ANKRD1: variants seen among roughly 807,000 people sequenced by gnomAD.
The protein encoded by ANKRD1 is ankyrin repeat domain-containing protein 1.
In ANKRD1, 32 loss-of-function variants were observed where a neutral mutation model predicts 40.1. The ratio of observed to expected loss-of-function variants is 0.80; its 90% CI spans 0.60 to 1.07. The LOEUF (loss-of-function observed/expected upper bound fraction) is 1.07, where lower values mean the gene tolerates loss of function less well. ANKRD1 is among the 50% of genes least tolerant of loss of function. The pLI is 0.00. For synonymous variants in ANKRD1, 149 were observed against 141.2 expected (o/e 1.06, Z -0.39); for missense variants, 359 against 386.0 (o/e 0.93, Z 0.59).
At chr10:90,915,713 C>T in intron 7 of ANKRD1, 69 bp downstream of exon 7, 1 of 1,610,878 alleles carries the variant, frequency 6.2e-7, no homozygotes, top group Non-Finnish European at 8.5e-7. Flanking sequence ...GGCACCCAGG[C>T]TTGGGGGAGT....
chr10:90,912,794 A>G lies in ANKRD1; in HGVS notation c.*72T>C. 7.5e-7 allele frequency: 1 copy of G among 1,332,022 alleles called. No individual in the cohort carries two copies. The highest frequency in any genetic ancestry group is 1.1e-6 in the Non-Finnish European group (1 of 923,584). The allele number at this position is 1,332,022 out of a possible 1,614,324, so 82.5% of individuals were successfully genotyped here. A position where few individuals can be genotyped will look rare whatever the true frequency, so the allele number is the denominator to read the frequency against. On this transcript the variant is annotated 3_prime_UTR_variant, in exon 9 of 9. Transcript: ENST00000371697. ...TAAATAGAAACTAGATTTTATGGCT[A>G]GTGTCTCTTCTCTTGGGCCATGCCT...
intron 6 of ANKRD1, 46 bp downstream of exon 6, chr10:90,916,125 G>T (rs548071940): frequency 7.6e-7 from 1 of 1,317,008 alleles, no homozygotes; most frequent in Non-Finnish European, 1.1e-6. Flanking sequence ...ATGGGGGACA[G>T]GGAGGGGGAG....
chr10:90,912,682 AAT>A lies in ANKRD1; in HGVS notation c.*182_*183del. 1 of 592,658 alleles carries A rather than the reference AAT, an allele frequency of 1.7e-6. No homozygotes were observed. The highest frequency in any genetic ancestry group is 1.9e-5 in the South Asian group (1 of 52,718). The allele number at this position is 592,658 out of a possible 1,614,324, so 36.7% of individuals were successfully genotyped here. On this transcript the variant is annotated 3_prime_UTR_variant, in exon 9 of 9. Coordinates refer to ENST00000371697, the MANE Select transcript of ANKRD1 (RefSeq NM_014391.3). Reference sequence around the variant, plus strand: ...AAATAAACAGGAATACATAAAAATAAATAAGAGTTTCACTAAAGGAAATTTAA... The same window carrying A: ...AAATAAACAGGAATACATAAAAATAAAAGAGTTTCACTAAAGGAAATTTAA...
chr10:90,914,526 G>A (rs1456925216), intron 8 of ANKRD1, among the ~76,000 whole-genome samples: 2 of 152,118 alleles, frequency 1.3e-5, no homozygotes, highest in East Asian at 3.9e-4. Flanking sequence ...TATTAGATAG[G>A]ATCAATTCCA....
chr10:90,915,988 C>G, intron 6 of ANKRD1, 108 bp from the exon 7 acceptor site: 1 of 1,049,524 alleles, frequency 9.5e-7, no homozygotes, highest in South Asian at 1.4e-5. Flanking sequence ...TGCCTGCACA[C>G]AGCATGGGCC....
chr10:90,916,387 A>G (rs1847374651), intron 5 of ANKRD1, 118 bp from the exon 6 acceptor site: 3 of 761,832 alleles, frequency 3.9e-6, no homozygotes, highest in Non-Finnish European at 4.6e-6. Context: ...TGACAATTCT[A>G]ACTGGAGTCG....
rs59939243 is a variant in ANKRD1, at chr10:90,918,990, A to AT, written c.346-19_346-18insA. 2.5e-4 allele frequency: 26 copies of AT among 105,436 alleles called. No individual in the cohort carries two copies. Among genetic ancestry groups the AT allele is most frequent in the African/African-American group, 9.3e-4 (6 of 6,434 alleles). The allele number at this position is 105,436 out of a possible 1,614,324, so 6.5% of individuals were successfully genotyped here. On this transcript the variant is annotated intron_variant, in intron 3 of 8. Transcript: ENST00000371697. Reference sequence around the variant, plus strand: ...GGTTCCGTCTAAAGCCAAAATAAATAAATATATATATATATATATATATAT... The same window carrying AT: ...GGTTCCGTCTAAAGCCAAAATAAATATAATATATATATATATATATATATAT...
rs925435996 is a variant in ANKRD1 at position 90,912,132 on chromosome 10, G to A, written c.*734C>T. On this transcript the variant is annotated 3_prime_UTR_variant, in exon 9 of 9. Transcript: ENST00000371697. ...ATTGCCTTTATTATGAATATAAAAT[G>A]TACATACAATACAATATACATTTAT... 22 of 150,548 alleles carry A rather than the reference G, an allele frequency of 1.5e-4. No homozygotes were observed. The highest frequency in any genetic ancestry group is 5.4e-4 in the African/African-American group (22 of 40,946). 9.3% of individuals were successfully genotyped at this position (150,548 alleles called of 1,614,324 possible).
At position 90,919,177 on chromosome 10, in the gene ANKRD1, C is replaced by T. The variant is rs866997710; in HGVS notation, c.299G>A (p.Arg100Lys). 1.2e-6 allele frequency: 2 copies of T among 1,611,924 alleles called. No individual in the cohort carries two copies. The highest frequency in any genetic ancestry group is 8.5e-7 in the Non-Finnish European group (1 of 1,179,392). Reference protein sequence around the residue: ...IIQLKKRKKYRKTKVPVVKEP... With the variant: ...IIQLKKRKKYKKTKVPVVKEP... The stretch of plus-strand genomic sequence containing the variant: ...CTTTACAACTGGAACTTTAGTTTTC[C>T]TGTATTTTTTCCTTTTCTTCAGTTG... Residue 100 changes from arginine (R) to lysine (K), a missense_variant, in exon 3 of 9, where the codon AGG becomes AAG. By Grantham distance (26) the Arg-to-Lys change is conservative. Transcript: ENST00000371697.
chr10:90,914,720 T>TCCCCCCC (rs55919759), intron 8 of ANKRD1, among the ~76,000 whole-genome samples: 1 of 79,698 alleles, frequency 1.3e-5, no homozygotes, highest in Non-Finnish European at 2.4e-5. Context: ...TGAGTTTCCC[T>TCCCCCCC]CCCCCCCCCC....
chr10:90,912,259 G>C lies in ANKRD1; in HGVS notation c.*607C>G, dbSNP rs146219881. Reference sequence around the variant, plus strand: ...ACTGATTTGCACTTACACTCATGACGTTCTCTTCACTTGGGTACTCTGTGT... The same window carrying C: ...ACTGATTTGCACTTACACTCATGACCTTCTCTTCACTTGGGTACTCTGTGT... On this transcript the variant is annotated 3_prime_UTR_variant, in exon 9 of 9. Coordinates refer to ENST00000371697, the MANE Select transcript of ANKRD1 (RefSeq NM_014391.3). 1 of 121,100 alleles carries C rather than the reference G, an allele frequency of 8.3e-6. No individual in the cohort carries two copies. The highest frequency in any genetic ancestry group is 3.1e-5 in the African/African-American group (1 of 31,844). The allele number at this position is 121,100 out of a possible 1,614,324, so 7.5% of individuals were successfully genotyped here.
chr10:90,920,687 T>C (rs1410332652), intron 1 of ANKRD1, among the ~76,000 whole-genome samples: 1 of 152,232 alleles, frequency 6.6e-6, no homozygotes, highest in East Asian at 1.9e-4. Flanking sequence ...TTTCGCCTTA[T>C]TGTAAAGTTT....
chr10:90,920,916 C>T (rs1260501787), intron 1 of ANKRD1, 85 bp downstream of exon 1: 2 of 1,326,380 alleles, frequency 1.5e-6, no homozygotes, highest in African/African-American at 2.9e-5. Flanking sequence ...TTGCATTACA[C>T]CTGAAAGCAA....
At chr10:90,920,821 T>C (rs1487013474) in intron 1 of ANKRD1, among the ~76,000 whole-genome samples, 180 bp downstream of exon 1, 1 of 152,102 alleles carries the variant, frequency 6.6e-6, no homozygotes, top group Non-Finnish European at 1.5e-5. Flanking sequence ...AGAGAATTCA[T>C]TACTGGTAGC....
chr10:90,915,733 T>C (rs769996450), intron 7 of ANKRD1, 49 bp downstream of exon 7: 3 of 1,612,364 alleles, frequency 1.9e-6, no homozygotes, highest in Non-Finnish European at 2.5e-6. Flanking sequence ...TGATTCCAAA[T>C]ACAAAAGCAA....
At chr10:90,916,896 C>CATTT (rs1847379363) in intron 5 of ANKRD1, among the ~76,000 whole-genome samples, 1 of 152,184 alleles carries the variant, frequency 6.6e-6, no homozygotes, top group Non-Finnish European at 1.5e-5. Flanking sequence ...AGCACAGCCT[C>CATTT]TGTACCTCAA....
intron 8 of ANKRD1, among the ~76,000 whole-genome samples, chr10:90,915,295 T>C (rs1847357003): frequency 2.0e-5 from 3 of 152,180 alleles, no homozygotes; most frequent in African/African-American, 7.2e-5. Flanking sequence ...AAGACCAAAT[T>C]GTAAAAGAAT....
chr10:90,917,899 C>T, intron 4 of ANKRD1, 69 bp from the exon 5 acceptor site: 2 of 1,303,754 alleles, frequency 1.5e-6, no homozygotes, highest in Non-Finnish European at 2.2e-6. Flanking sequence ...CTTTTAAGAG[C>T]TATGAAGCTG....
chr10:90,916,302 G>A, intron 5 of ANKRD1, 33 bp from the exon 6 acceptor site: 1 of 1,514,018 alleles, frequency 6.6e-7, no homozygotes, highest in Non-Finnish European at 9.2e-7. Flanking sequence ...ACAATGTGAA[G>A]GAGAATGTGG....
Sources: allele counts gnomAD v4.1 joint callset (sites outside exome capture counted in the v4.1 genomes callset), GRCh38; gene constraint gnomAD v4.1.1; transcripts MANE v1.5; gene names NCBI Gene and HGNC (gene_info 2026-07-23, HGNC 2026-07-21).